PTPRT: variants seen among roughly 807,000 people sequenced by gnomAD.
PTPRT encodes protein tyrosine phosphatase receptor type T.
Under a neutral mutation model 176.8 loss-of-function variants are expected in PTPRT, and 56 were observed. The observed-to-expected ratio is 0.32, with a 90% CI of 0.26 to 0.40. The LOEUF (loss-of-function observed/expected upper bound fraction) is 0.40, where lower values mean the gene tolerates loss of function less well. PTPRT is among the 10% of genes least tolerant of loss of function. The probability of loss-of-function intolerance (pLI) is 1.00; values close to 1 mark genes in which losing one functional copy is unlikely to be tolerated. For missense variants in PTPRT, 1,540 were observed against 1,908.2 expected, an observed-to-expected ratio of 0.81 and a Z score of 3.60; for synonymous variants, 783 against 739.0, an observed-to-expected ratio of 1.06 and a Z score of -0.96.
At chr20:42,448,129 T>C (rs766790295) in intron 9 of PTPRT, 91 bp downstream of exon 9, 7 of 999,388 alleles carry the variant, frequency 7.0e-6, no homozygotes, top group Admixed American at 1.8e-5. Context: ...CTCACCTTTA[T>C]ACGTTCAGCA....
intron 1 of PTPRT, among the ~76,000 whole-genome samples, chr20:42,996,827 C>G (rs933096668): frequency 1.3e-5 from 2 of 152,192 alleles, no homozygotes; most frequent in Non-Finnish European, 2.9e-5. Context: ...CTATATGTCT[C>G]AGCGTCACTA....
chr20:42,551,968 G>C (rs908758864), intron 7 of PTPRT, among the ~76,000 whole-genome samples: 1 of 152,094 alleles, frequency 6.6e-6, no homozygotes, highest in Non-Finnish European at 1.5e-5. Context: ...ATACATGAAG[G>C]GGATGCTTCT....
intron 1 of PTPRT, among the ~76,000 whole-genome samples, chr20:42,907,079 G>A (rs887201532): frequency 4.0e-5 from 6 of 151,784 alleles, no homozygotes; most frequent in African/African-American, 1.5e-4. Flanking sequence ...ACAGTGAGGG[G>A]AAAAAATAAG....
In PTPRT at chr20:42,469,728, G is replaced by A. The variant is rs145181312; in HGVS notation, c.1450+2538C>T. Among the ~76,000 whole-genome samples, 584 of 150,100 alleles carry A rather than the reference G, an allele frequency of 3.9e-3. 4 individuals are homozygous for A. The highest frequency in any genetic ancestry group is 0.013 in the African/African-American group (544 of 40,764). Reference sequence around the variant, plus strand: ...AGGATGACCCCAAAGACCAGTGTGTGGGGTCTGCAAAGAGGATGGCTACGA... The same window carrying A: ...AGGATGACCCCAAAGACCAGTGTGTAGGGTCTGCAAAGAGGATGGCTACGA... On this transcript the variant is annotated intron_variant, in intron 8 of 30. Coordinates refer to ENST00000373187, the MANE Select transcript of PTPRT (RefSeq NM_007050.6).
intron 19 of PTPRT, among the ~76,000 whole-genome samples, chr20:42,122,124 A>G (rs1987623131): frequency 3.9e-5 from 6 of 152,204 alleles, no homozygotes; most frequent in Admixed American, 3.9e-4. Context: ...ACCACTGTGC[A>G]ATACATACAG....
chr20:42,650,438 A>C (rs2075008963), intron 7 of PTPRT, among the ~76,000 whole-genome samples: 1 of 152,144 alleles, frequency 6.6e-6, no homozygotes, highest in Non-Finnish European at 1.5e-5. Context: ...TCATTTTCTA[A>C]AATAAATCTG....
chr20:42,954,029 G>C (rs1280051913), intron 1 of PTPRT, among the ~76,000 whole-genome samples: 1 of 152,152 alleles, frequency 6.6e-6, no homozygotes, highest in Non-Finnish European at 1.5e-5. Flanking sequence ...TCTGGGAGAT[G>C]TCACAGGGGG....
chr20:42,836,779 T>C (rs147193403), intron 2 of PTPRT, among the ~76,000 whole-genome samples: 29 of 152,272 alleles, frequency 1.9e-4, no homozygotes, highest in African/African-American at 7.0e-4. Context: ...AATTAGCAAA[T>C]AATTAGATGA....
At chr20:43,008,752 T>C (rs1984981580) in intron 1 of PTPRT, among the ~76,000 whole-genome samples, 1 of 152,120 alleles carries the variant, frequency 6.6e-6, no homozygotes, top group Admixed American at 6.6e-5. Context: ...AGCCAATCTA[T>C]GGTATTTTTG....
At chr20:42,795,421 T>C (rs13041926) in intron 2 of PTPRT, among the ~76,000 whole-genome samples, 62,958 of 152,166 alleles carry the variant, frequency 0.41, 15,293 homozygotes, top group Non-Finnish European at 0.54. Flanking sequence ...TAGCAGATGG[T>C]GGCTATTGTG....
chr20:42,796,556 G>A (rs193008069), intron 2 of PTPRT, among the ~76,000 whole-genome samples: 10 of 152,328 alleles, frequency 6.6e-5, no homozygotes, highest in East Asian at 3.9e-4. Flanking sequence ...AGTTTCTACC[G>A]CAGACAACTC....
At chr20:43,139,835 G>A (rs73106044) in intron 1 of PTPRT, among the ~76,000 whole-genome samples, 3,395 of 152,254 alleles carry the variant, frequency 0.022, 58 homozygotes, top group South Asian at 0.075. Flanking sequence ...GAGCAGCATC[G>A]GCATCTGGGC....
At chr20:42,508,657 A>T (rs1307021197) in intron 7 of PTPRT, among the ~76,000 whole-genome samples, 5 of 152,002 alleles carry the variant, frequency 3.3e-5, no homozygotes, top group African/African-American at 1.2e-4. Context: ...GAGGTTAAGT[A>T]ACTTTCCCAT....
intron 9 of PTPRT, among the ~76,000 whole-genome samples, chr20:42,375,734 G>T (rs1465640260): frequency 6.6e-6 from 1 of 152,178 alleles, no homozygotes; most frequent in Non-Finnish European, 1.5e-5. Flanking sequence ...TAGATAGGCA[G>T]ATTTTCTTTA....
chr20:43,137,209 T>C (rs1017008836), intron 1 of PTPRT, among the ~76,000 whole-genome samples: 2 of 152,112 alleles, frequency 1.3e-5, no homozygotes, highest in African/African-American at 4.8e-5. Flanking sequence ...TATGGGTACA[T>C]GGTAAGTGAG....
intron 19 of PTPRT, among the ~76,000 whole-genome samples, chr20:42,123,371 G>GTACTATGTACTACTACTAT (rs1204193740): frequency 1.3e-5 from 2 of 152,172 alleles, no homozygotes; most frequent in Admixed American, 1.3e-4. Flanking sequence ...CTATGTACAA[G>GTACTATGTACTACTACTAT]GCACTGGAAA....
rs571891865 is a variant in PTPRT at position 42,565,991 on chromosome 20, G to A, written c.1154-93429C>T. On this transcript the variant is annotated intron_variant, in intron 7 of 30. Coordinates refer to ENST00000373187, the MANE Select transcript of PTPRT (RefSeq NM_007050.6). Reference sequence around the variant, plus strand: ...CTCTCACCTTCCATCACACAGGGCTGTAGCTAGGAAGCAGCTACTCAGCTA... The same window carrying A: ...CTCTCACCTTCCATCACACAGGGCTATAGCTAGGAAGCAGCTACTCAGCTA... Among the ~76,000 whole-genome samples, 13 of 152,188 alleles carry A rather than the reference G, an allele frequency of 8.5e-5. No homozygotes were observed. The South Asian group carries it at 2.7e-3, about 32-fold the overall frequency.
In PTPRT at chr20:42,791,478, C is replaced by T. The variant is rs943481421; in HGVS notation, c.215-12G>A. The T allele has an allele frequency of 7.5e-6, 12 of 1,603,584 alleles. No individual in the cohort carries two copies. Among genetic ancestry groups the T allele is most frequent in the East Asian group, 2.2e-5 (1 of 44,714 alleles). On this transcript the variant is annotated splice_polypyrimidine_tract_variant and intron_variant, in intron 2 of 30. Transcript: ENST00000373187. ...CATCATGAAAGATCCTGGAGACCCA[C>T]AAAGCAGGTGGGAAGTAGAGACAAA...
intron 1 of PTPRT, among the ~76,000 whole-genome samples, chr20:43,101,230 C>T (rs1181886776): frequency 6.6e-6 from 1 of 152,116 alleles, no homozygotes; most frequent in Non-Finnish European, 1.5e-5. Context: ...ATACAGACCT[C>T]GCAGGATTTG....
Sources: allele counts gnomAD v4.1 joint callset (sites outside exome capture counted in the v4.1 genomes callset), GRCh38; gene constraint gnomAD v4.1.1; transcripts MANE v1.5; gene names NCBI Gene and HGNC (gene_info 2026-07-23, HGNC 2026-07-21).